Variants in PLCD1 observed in about 807,000 individuals in gnomAD.
PLCD1 encodes the protein phospholipase C delta 1.
A neutral mutation model predicts 87.4 loss-of-function variants in PLCD1; 71 were observed. The ratio of observed to expected loss-of-function variants is 0.81; its 90% CI spans 0.67 to 0.99. The LOEUF (loss-of-function observed/expected upper bound fraction) is 0.99, where lower values mean the gene tolerates loss of function less well. Ranked by LOEUF, PLCD1 falls within the 50% of genes least tolerant of loss-of-function variation. PLCD1 has a pLI of 0.00. For synonymous variants in PLCD1, 348 were observed against 399.2 expected, an observed-to-expected ratio of 0.87 and a Z score of 1.53; for missense variants, 867 against 1,001.5, an observed-to-expected ratio of 0.87 and a Z score of 1.81.
rs781388779 is a variant in PLCD1, at chr3:38,011,340, C to A, written c.664G>T (p.Ala222Ser). ...VEIDRTFAEA[A>S]GSGETLSVDQ... ...ACCGACAGAGTCTCCCCTGAGCCCG[C>A]GGCCTCGGCGAAGGTGCGGTCGATC... The change falls in exon 5 of 15, where the codon GCG becomes TCG. Residue 222 changes from alanine to serine, a missense_variant. Ala to Ser is a moderately conservative substitution (Grantham distance 99, BLOSUM62 1). Coordinates refer to ENST00000334661, the MANE Select transcript of PLCD1 (RefSeq NM_006225.4). 3.7e-6 allele frequency: 6 copies of A among 1,612,536 alleles called. No individual in the cohort carries two copies. The highest frequency in any genetic ancestry group is 3.3e-5 in the South Asian group (3 of 91,006).
intron 3 of PLCD1, among the ~76,000 whole-genome samples, chr3:38,011,878 T>C (rs181119422): frequency 6.6e-6 from 1 of 152,358 alleles, no homozygotes; most frequent in South Asian, 2.1e-4. Flanking sequence ...CTTTCAAAAT[T>C]TTTAAAACAT....
At chr3:38,029,471 G>T in intron 1 of PLCD1, 35 bp downstream of exon 1, 1 of 1,533,480 alleles carries the variant, frequency 6.5e-7, no homozygotes, top group South Asian at 1.2e-5. Context: ...GTCCACCCCT[G>T]CAGGGTCTCC....
chr3:38,011,920 G>C (rs1302644104), intron 3 of PLCD1, among the ~76,000 whole-genome samples: 1 of 152,088 alleles, frequency 6.6e-6, no homozygotes, highest in Non-Finnish European at 1.5e-5. Flanking sequence ...GCCCACTGTA[G>C]ACAATTTAGA....
At chr3:38,024,667 A>G in intron 1 of PLCD1, 3 of 1,512,112 alleles carry the variant, frequency 2.0e-6, no homozygotes, top group Non-Finnish European at 2.6e-6. Context: ...GTCAGACGCT[A>G]GGAGGCGGAG....
At chr3:38,010,686 G>C (rs1700059033) in intron 5 of PLCD1, 124 bp from the exon 6 acceptor site, 1 of 736,086 alleles carries the variant, frequency 1.4e-6, no homozygotes, top group African/African-American at 1.8e-5. Flanking sequence ...CAGTCTTCCA[G>C]AGCTCTTGGA....
chr3:38,024,387 T>G (rs1041787463), intron 1 of PLCD1: 1 of 1,612,868 alleles, frequency 6.2e-7, no homozygotes, highest in Non-Finnish European at 8.5e-7. Flanking sequence ...CTCCTGCAGG[T>G]AGAGCTCCCT....
chr3:38,027,343 C>A (rs1230352506), intron 1 of PLCD1, among the ~76,000 whole-genome samples: 13 of 152,194 alleles, frequency 8.5e-5, no homozygotes, highest in Admixed American at 8.5e-4. Flanking sequence ...GGGTACCAGG[C>A]ACTGTTCTAA....
chr3:38,028,934 T>C (rs1435177480), intron 1 of PLCD1, among the ~76,000 whole-genome samples: 1 of 152,264 alleles, frequency 6.6e-6, no homozygotes, highest in African/African-American at 2.4e-5. Flanking sequence ...GGGATCGTGC[T>C]GCTTCTTTCA....
rs901726421 is a variant in PLCD1, at chr3:38,017,207, T to A, written c.200-488A>T. Among the ~76,000 whole-genome samples, 2 of 151,830 alleles carry A rather than the reference T, an allele frequency of 1.3e-5. No homozygotes were observed. Among genetic ancestry groups the A allele is most frequent in the Non-Finnish European group, 2.9e-5 (2 of 67,944 alleles). On this transcript the variant is annotated intron_variant, in intron 2 of 14. Coordinates refer to ENST00000334661, the MANE Select transcript of PLCD1 (RefSeq NM_006225.4). The surrounding 1 kb of genome is among the most constrained non-coding windows in gnomAD (Gnocchi z 4.7). ...GGACTTTGGGTCTGTCCTGACCCGATAAAGCCACAAGAGCCACCAGGCCCC... is the reference window on the plus strand; with the variant it reads ...GGACTTTGGGTCTGTCCTGACCCGAAAAAGCCACAAGAGCCACCAGGCCCC...
At position 38,009,802 on chromosome 3, in the gene PLCD1, C is replaced by T. The variant is rs528173833; in HGVS notation, c.1297G>A (p.Gly433Arg). 1.6e-4 allele frequency: 262 copies of T among 1,613,972 alleles called. No individual in the cohort carries two copies. In the South Asian group the frequency reaches 2.7e-3, roughly 17 times the overall value. ...NSLPSPEQLKGKILLKGKKLG... is the reference protein window; with the variant it reads ...NSLPSPEQLKRKILLKGKKLG... ...TTCTTCCCCTTCAGCAGGATCTTCCCCTTCAGTTGCTAGGTGGGGAGGGGC... is the reference window on the plus strand; with the variant it reads ...TTCTTCCCCTTCAGCAGGATCTTCCTCTTCAGTTGCTAGGTGGGGAGGGGC... The change falls in exon 9 of 15, where the codon GGG (glycine) becomes AGG (arginine). Residue 433 changes from glycine to arginine, a missense_variant. Transcript: ENST00000334661.
intron 3 of PLCD1, among the ~76,000 whole-genome samples, chr3:38,012,640 C>T (rs1348392123): frequency 2.6e-5 from 4 of 151,874 alleles, no homozygotes; most frequent in African/African-American, 9.7e-5. Flanking sequence ...CCCTAGCCTC[C>T]TGAGGAGCTG....
chr3:38,029,491 G>T lies in PLCD1; in HGVS notation c.34+15C>A. ...CCCCTGCAGGGTCTCCCGCTCGCGC[G>T]GGCCAGGCACTCACCGTGCAGGGTC... On this transcript the variant is annotated intron_variant, in intron 1 of 14. Transcript: ENST00000334661. 6.5e-7 allele frequency: 1 copy of T among 1,538,904 alleles called. No homozygotes were observed.
At position 38,012,233 on chromosome 3, in the gene PLCD1, C is replaced by T. The variant is rs572580006; in HGVS notation, c.429-560G>A. ...CTATGTTGCCCAGGCTAGTCTCAAA[C>T]TCCTAGGCCCAAGCAATCCTCCTGC... On this transcript the variant is annotated intron_variant, in intron 3 of 14. Coordinates refer to ENST00000334661, the MANE Select transcript of PLCD1 (RefSeq NM_006225.4). Among the ~76,000 whole-genome samples, 6 of 149,010 alleles carry T rather than the reference C, an allele frequency of 4.0e-5. No homozygotes were observed. In the South Asian group the frequency reaches 6.6e-4, roughly 16 times the overall value.
Position 38,009,158 on chromosome 3 carries a change from C to A in PLCD1, c.1607G>T (p.Gly536Val). The A allele has an allele frequency of 1.2e-6, 2 of 1,614,138 alleles. No individual in the cohort carries two copies. The highest frequency in any genetic ancestry group is 1.7e-6 in the Non-Finnish European group (2 of 1,179,982). The change falls in exon 11 of 15, where the codon GGA (glycine) becomes GTA (valine). Residue 536 changes from glycine to valine, a missense_variant and splice_region_variant. Coordinates refer to ENST00000334661, the MANE Select transcript of PLCD1 (RefSeq NM_006225.4). ...CACGTTGTGGCGGACAAAGCCGTTTCCTGAGGGGAGGTGTGGTTCGGTCAG... is the reference window on the plus strand; with the variant it reads ...CACGTTGTGGCGGACAAAGCCGTTTACTGAGGGGAGGTGTGGTTCGGTCAG... Reference protein sequence around the residue: ...NRALRLLQESGNGFVRHNVGH... With the variant: ...NRALRLLQESVNGFVRHNVGH...
chr3:38,009,254 T>C lies in PLCD1; in HGVS notation c.1606+18A>G. 3 of 1,613,772 alleles carry C rather than the reference T, an allele frequency of 1.9e-6. No homozygotes were observed. Among genetic ancestry groups the C allele is most frequent in the Non-Finnish European group, 2.5e-6 (3 of 1,179,898 alleles). ...TCTCTGTAACAGAGCAGGGGAGTGG[T>C]GGGGAGCCAGGCCTCACCTGATTCT... On this transcript the variant is annotated intron_variant, in intron 10 of 14. Transcript: ENST00000334661.
At chr3:38,029,054 A>C (rs1390680705) in intron 1 of PLCD1, among the ~76,000 whole-genome samples, 1 of 152,226 alleles carries the variant, frequency 6.6e-6, no homozygotes, top group African/African-American at 2.4e-5. Context: ...GCTCCGCCAC[A>C]CCCGCGCGGC....
At chr3:38,013,069 T>G (rs1319681408) in intron 3 of PLCD1, among the ~76,000 whole-genome samples, 1 of 151,906 alleles carries the variant, frequency 6.6e-6, no homozygotes, top group Non-Finnish European at 1.5e-5. Flanking sequence ...TTTGTATTTT[T>G]TGGAGAGATG....
At chr3:38,012,826 G>A (rs1037004490) in intron 3 of PLCD1, among the ~76,000 whole-genome samples, 3 of 151,848 alleles carry the variant, frequency 2.0e-5, no homozygotes, top group Admixed American at 6.6e-5. Context: ...CTATAATGAA[G>A]TTTTAAAGAT....
intron 3 of PLCD1, chr3:38,014,635 T>C (rs1252897856): frequency 6.5e-6 from 1 of 153,552 alleles, no homozygotes. Flanking sequence ...CTTTGTTCCT[T>C]CTCCACTCTC....
Sources: gnomAD v4.1 joint callset for allele counts (sites outside exome capture counted in the v4.1 genomes callset) on GRCh38, gnomAD v4.1.1 for gene constraint, Gnocchi (gnomAD v3.1) non-coding constraint, MANE v1.5 for transcripts, NCBI Gene and HGNC (gene_info 2026-07-23, HGNC 2026-07-21) for gene names.